Variants in PRKAG2 observed in about 807,000 individuals in gnomAD.
PRKAG2 encodes 5'-AMP-activated protein kinase subunit gamma-2.
Under a neutral mutation model 69.6 loss-of-function variants are expected in PRKAG2, and 26 were observed. The observed-to-expected ratio is 0.37, with a 90% CI of 0.27 to 0.52. The LOEUF (loss-of-function observed/expected upper bound fraction) is 0.52. Ranked by LOEUF, PRKAG2 falls within the 20% of genes least tolerant of loss-of-function variation. The pLI is 0.90. For synonymous variants in PRKAG2, 293 were observed against 285.0 expected (o/e 1.03, Z -0.28); for missense variants, 557 against 740.0 (o/e 0.75, Z 2.87).
At chr7:151,661,172 C>T (rs1004752388) in intron 4 of PRKAG2, among the ~76,000 whole-genome samples, 3 of 152,142 alleles carry the variant, frequency 2.0e-5, no homozygotes, top group African/African-American at 7.2e-5. Context: ...GGGCCTTTCA[C>T]TGTCTTTTTT....
rs909479867 is a variant in PRKAG2 at position 151,714,062 on chromosome 7, C to T, written c.467-38425G>A. ...GTCAAGTGTGGGGGGTCACTGGTAG[C>T]GGTTAGATAACTCGGGCTGGGGTCC... On this transcript the variant is annotated intron_variant, in intron 3 of 15. Transcript: ENST00000287878. Among the ~76,000 whole-genome samples, 11 of 152,202 alleles carry T rather than the reference C, an allele frequency of 7.2e-5. No homozygotes were observed. In the East Asian group the frequency reaches 2.1e-3, roughly 29 times the overall value.
intron 3 of PRKAG2, among the ~76,000 whole-genome samples, chr7:151,737,545 T>C (rs1207711473): frequency 6.6e-6 from 1 of 152,068 alleles, no homozygotes; most frequent in Non-Finnish European, 1.5e-5. Context: ...ACGCCATCAG[T>C]TTCTTCAGCG....
chr7:151,630,841 T>G (rs4725419), intron 5 of PRKAG2, among the ~76,000 whole-genome samples: 2,491 of 152,334 alleles, frequency 0.016, 58 homozygotes, highest in African/African-American at 0.057. Flanking sequence ...CTGGATTATT[T>G]TTCTGTAGGA....
intron 3 of PRKAG2, among the ~76,000 whole-genome samples, chr7:151,718,629 A>C (rs1796556934): frequency 2.8e-5 from 4 of 142,398 alleles, no homozygotes; most frequent in South Asian, 4.4e-4. Flanking sequence ...AAAAAAAAAA[A>C]CCCAAAAACA....
chr7:151,813,997 C>T (rs2078556634), intron 1 of PRKAG2, among the ~76,000 whole-genome samples: 1 of 152,232 alleles, frequency 6.6e-6, no homozygotes, highest in Middle Eastern at 3.4e-3. Flanking sequence ...GACAACTTCG[C>T]TAAGATTTCA....
chr7:151,649,565 T>C (rs1828118765), intron 4 of PRKAG2, among the ~76,000 whole-genome samples: 1 of 152,172 alleles, frequency 6.6e-6, no homozygotes, highest in African/African-American at 2.4e-5. Flanking sequence ...CAGTGTTGGA[T>C]GTGGGGCTGG....
intron 1 of PRKAG2, among the ~76,000 whole-genome samples, chr7:151,872,799 CCACCAAGGCTG>C (rs2151915356): frequency 6.6e-6 from 1 of 152,296 alleles, no homozygotes; most frequent in East Asian, 1.9e-4. Flanking sequence ...AAGAGGCAGT[CCACCAAGGCTG>C]CAGGTGAGGG....
In PRKAG2 at chr7:151,850,669, A is replaced by G. The variant is rs2151895267; in HGVS notation, c.114+25838T>C. ...CCTCCATCGTCCTGTGTCCAGGAAC[A>G]TGGCCCTTGTGCCCCACCAGCATCC... On this transcript the variant is annotated intron_variant, in intron 1 of 15. Coordinates refer to ENST00000287878, the MANE Select transcript of PRKAG2 (RefSeq NM_016203.4). The surrounding 1 kb of genome is among the most constrained non-coding windows in gnomAD (Gnocchi z 4.1). Among the ~76,000 whole-genome samples the G allele has an allele frequency of 6.6e-6, 1 of 152,338 alleles. No homozygotes were observed. The highest frequency in any genetic ancestry group is 2.1e-4 in the South Asian group (1 of 4,828).
chr7:151,723,269 G>C (rs1797410670), intron 3 of PRKAG2, among the ~76,000 whole-genome samples: 1 of 152,164 alleles, frequency 6.6e-6, no homozygotes, highest in Non-Finnish European at 1.5e-5. Flanking sequence ...TGGTAGTGCA[G>C]TGGAGTCCTT....
intron 1 of PRKAG2, chr7:151,809,246 C>A (rs1292327002): frequency 2.2e-6 from 1 of 456,590 alleles, no homozygotes; most frequent in East Asian, 6.9e-5. Flanking sequence ...GCTTTCAAAA[C>A]AGGTGAATCC....
chr7:151,591,839 A>C (rs1331929265), intron 6 of PRKAG2, among the ~76,000 whole-genome samples: 1 of 152,080 alleles, frequency 6.6e-6, no homozygotes, highest in Non-Finnish European at 1.5e-5. Flanking sequence ...ATTAACCCCA[A>C]AACAACCATG....
At chr7:151,650,541 C>T (rs1176391542) in intron 4 of PRKAG2, among the ~76,000 whole-genome samples, 1 of 152,178 alleles carries the variant, frequency 6.6e-6, no homozygotes, top group African/African-American at 2.4e-5. Context: ...ACACGCTATA[C>T]TAGCAGTTTG....
rs556019284 is a variant in PRKAG2, at chr7:151,785,111, T to C, written c.186+1359A>G. Among the ~76,000 whole-genome samples the C allele has an allele frequency of 7.9e-5, 12 of 152,338 alleles. No homozygotes were observed. The South Asian group carries it at 1.7e-3, about 21-fold the overall frequency. On this transcript the variant is annotated intron_variant, in intron 2 of 15. Transcript: ENST00000287878. ...CCCGGGTATTGACAAGACTCCCAAG[T>C]GTGTGCCTGGCTCCGCAGAGCTAAT...
intron 1 of PRKAG2, among the ~76,000 whole-genome samples, chr7:151,860,891 G>T (rs970667727): frequency 6.6e-6 from 1 of 152,108 alleles, no homozygotes; most frequent in South Asian, 2.1e-4. Context: ...GGGAGGTGCA[G>T]GCAGACGAGA....
intron 3 of PRKAG2, among the ~76,000 whole-genome samples, chr7:151,689,135 A>C (rs910103914): frequency 6.6e-6 from 1 of 152,214 alleles, no homozygotes; most frequent in Admixed American, 6.5e-5. Flanking sequence ...AATCTGTAAT[A>C]GTACCTGGAG....
intron 1 of PRKAG2, among the ~76,000 whole-genome samples, chr7:151,826,218 T>C (rs2078902681): frequency 6.6e-6 from 1 of 151,970 alleles, no homozygotes; most frequent in African/African-American, 2.4e-5. Context: ...TCTTGCTCTG[T>C]CGCCTAGGCT....
chr7:151,663,894 A>C (rs1830667508), intron 4 of PRKAG2, among the ~76,000 whole-genome samples: 1 of 152,250 alleles, frequency 6.6e-6, no homozygotes, highest in Non-Finnish European at 1.5e-5. Context: ...ACAGATTGGC[A>C]AACTTTCTGA....
At chr7:151,688,047 C>CCA (rs1554539877) in intron 3 of PRKAG2, among the ~76,000 whole-genome samples, 1 of 143,086 alleles carries the variant, frequency 7.0e-6, no homozygotes, top group African/African-American at 2.6e-5. Context: ...ATGAGGCCCC[C>CCA]CCCCGGGCTC....
chr7:151,845,030 C>T (rs1227122512), intron 1 of PRKAG2, among the ~76,000 whole-genome samples: 1 of 150,248 alleles, frequency 6.7e-6, no homozygotes, highest in Non-Finnish European at 1.5e-5. Flanking sequence ...TGGCGGCAGG[C>T]AGCCTCCGCC....
Sources: allele counts gnomAD v4.1 joint callset (sites outside exome capture counted in the v4.1 genomes callset), GRCh38; gene constraint gnomAD v4.1.1; non-coding constraint Gnocchi (gnomAD v3.1); transcripts MANE v1.5; gene names NCBI Gene and HGNC (gene_info 2026-07-23, HGNC 2026-07-21).